Variants in EPB41L5 observed in about 807,000 individuals in gnomAD.
The protein encoded by EPB41L5 is band 4.1-like protein 5.
A neutral mutation model predicts 106.6 loss-of-function variants in EPB41L5; 55 were observed. The ratio of observed to expected loss-of-function variants is 0.52; its 90% CI spans 0.42 to 0.65. The LOEUF (loss-of-function observed/expected upper bound fraction) is 0.65. EPB41L5 is among the 30% of genes least tolerant of loss of function. The pLI is 0.00. For missense variants in EPB41L5, 871 were observed against 882.1 expected (o/e 0.99, Z 0.16); for synonymous variants, 297 against 306.7 (o/e 0.97, Z 0.33).
chr2:120,075,442 G>T, intron 5 of EPB41L5, 34 bp from the exon 6 acceptor site: 2 of 1,491,944 alleles, frequency 1.3e-6, no homozygotes, highest in Non-Finnish European at 1.9e-6. Flanking sequence ...CGATTGTGCT[G>T]TTGGGTTAAA....
chr2:120,042,164 C>A, intron 3 of EPB41L5, 54 bp downstream of exon 3: 2 of 1,336,982 alleles, frequency 1.5e-6, no homozygotes, highest in Non-Finnish European at 2.1e-6. Flanking sequence ...CAGGAAATTT[C>A]AGATGATATA....
intron 22 of EPB41L5, among the ~76,000 whole-genome samples, chr2:120,167,175 G>A (rs1687451223): frequency 6.6e-6 from 1 of 152,172 alleles, no homozygotes; most frequent in South Asian, 2.1e-4. Flanking sequence ...GTGAGGTAGG[G>A]GCAGTCCTAT....
chr2:120,032,929 A>G (rs771012663), intron 2 of EPB41L5, among the ~76,000 whole-genome samples: 1 of 152,238 alleles, frequency 6.6e-6, no homozygotes. Context: ...AACACATAAT[A>G]GGTGTCTGTC....
rs1174086865 is a variant in EPB41L5, at chr2:120,063,340, CAAAAAAAA to C, written c.286-9825_286-9818del. Among the ~76,000 whole-genome samples the C allele has an allele frequency of 8.9e-5, 5 of 56,058 alleles. No homozygotes were observed. The East Asian group carries it at 2.2e-3, about 25-fold the overall frequency. 36.8% of individuals were successfully genotyped at this position (56,058 alleles called of 152,430 possible). A position where few individuals can be genotyped will look rare whatever the true frequency, so the allele number is the denominator to read the frequency against. ...CTGGGCAACAGAGAAGACTTTGTCTCAAAAAAAAAAAAAAAAAAAAGTGAATTAAGTGT... is the reference window on the plus strand; with the variant it reads ...CTGGGCAACAGAGAAGACTTTGTCTCAAAAAAAAAAAAGTGAATTAAGTGT... On this transcript the variant is annotated intron_variant, in intron 3 of 24. Transcript: ENST00000263713.
intron 3 of EPB41L5, among the ~76,000 whole-genome samples, chr2:120,048,878 T>C (rs565487436): frequency 2.6e-5 from 4 of 152,318 alleles, no homozygotes; most frequent in African/African-American, 9.6e-5. Context: ...TTTGTTCTCA[T>C]TGATTTCAAA....
chr2:120,156,408 G>T (rs967299678), intron 20 of EPB41L5, among the ~76,000 whole-genome samples: 4 of 152,200 alleles, frequency 2.6e-5, no homozygotes. Context: ...TCCCCCTGGG[G>T]CTACAGCAGT....
rs1684371793 is a variant in EPB41L5 at position 120,105,112 on chromosome 2, A to T, written c.1337+4298A>T. ...TTTAAAATAAAATTCTGAAGCCAAA[A>T]CCATATGATTTTTAGATTGTATTAC... On this transcript the variant is annotated intron_variant, in intron 16 of 24. Transcript: ENST00000263713. 6.1e-6 allele frequency: 6 copies of T among 978,994 alleles called. No homozygotes were observed. The South Asian group carries it at 2.8e-4, about 46-fold the overall frequency. The allele number at this position is 978,994 out of a possible 1,614,324, so 60.6% of individuals were successfully genotyped here.
intron 20 of EPB41L5, among the ~76,000 whole-genome samples, chr2:120,152,532 C>T (rs1046076043): frequency 2.0e-5 from 3 of 152,152 alleles, no homozygotes; most frequent in African/African-American, 7.2e-5. Context: ...GGGATTATAG[C>T]TGTGAGCCAC....
intron 20 of EPB41L5, among the ~76,000 whole-genome samples, chr2:120,158,554 ACT>A (rs1471638434): frequency 6.6e-6 from 1 of 152,130 alleles, no homozygotes; most frequent in African/African-American, 2.4e-5. Context: ...CGGGTTAAAA[ACT>A]CTCAATAAAA....
chr2:120,163,788 T>C (rs1387356181), intron 21 of EPB41L5, among the ~76,000 whole-genome samples: 1 of 150,946 alleles, frequency 6.6e-6, no homozygotes, highest in Non-Finnish European at 1.5e-5. Flanking sequence ...AGACCCTGTC[T>C]CTATAAAAAA....
intron 16 of EPB41L5, among the ~76,000 whole-genome samples, chr2:120,116,641 C>T (rs906513036): frequency 6.6e-6 from 1 of 152,128 alleles, no homozygotes; most frequent in Non-Finnish European, 1.5e-5. Context: ...ACTTCAGCCT[C>T]CCAAGTAGCT....
At chr2:120,125,847 G>A (rs1423153648) in intron 16 of EPB41L5, among the ~76,000 whole-genome samples, 1 of 152,122 alleles carries the variant, frequency 6.6e-6, no homozygotes, top group African/African-American at 2.4e-5. Context: ...TCAGTAAGAT[G>A]TTAGAAGTCG....
At position 120,019,242 on chromosome 2, in the gene EPB41L5, C is replaced by T. The variant is rs1677759321; in HGVS notation, c.158C>T (p.Thr53Ile). Residue 53 changes from threonine (T) to isoleucine (I), a missense_variant, in exon 2 of 25, where the codon ACT becomes ATT. By Grantham distance (89) the Thr-to-Ile change is moderately conservative. Transcript: ENST00000263713. ...ITCRVSLLDG[T>I]DVSVDLPKKA... ...TGTCGGGTGTCCCTTCTGGATGGTA[C>T]TGATGTTAGTGTGGACTTGCCAGTA... The T allele has an allele frequency of 1.2e-6, 2 of 1,611,786 alleles. No homozygotes were observed. Among genetic ancestry groups the T allele is most frequent in the African/African-American group, 2.7e-5 (2 of 74,766 alleles).
intron 22 of EPB41L5, among the ~76,000 whole-genome samples, chr2:120,165,624 T>C (rs1482343516): frequency 6.6e-6 from 1 of 152,198 alleles, no homozygotes; most frequent in Non-Finnish European, 1.5e-5. Flanking sequence ...CTCATGGATA[T>C]GGAGGGCCAA....
chr2:120,083,158 G>A (rs113928371), intron 10 of EPB41L5, among the ~76,000 whole-genome samples: 1 of 152,268 alleles, frequency 6.6e-6, no homozygotes, highest in African/African-American at 2.4e-5. Flanking sequence ...TTTTGAATGT[G>A]TTTGCCCTTG....
intron 4 of EPB41L5, 104 bp downstream of exon 4, chr2:120,073,324 T>C: frequency 9.8e-7 from 1 of 1,015,580 alleles, no homozygotes; most frequent in Non-Finnish European, 1.5e-6. Context: ...ATGAGTTTTT[T>C]AGCATTTCCA....
rs1411983677 is a variant in EPB41L5 at position 120,176,733 on chromosome 2, C to G, written c.*1826C>G. 3 of 152,202 alleles carry G rather than the reference C, an allele frequency of 2.0e-5. No individual in the cohort carries two copies. The highest frequency in any genetic ancestry group is 7.2e-5 in the African/African-American group (3 of 41,454). 9.4% of individuals were successfully genotyped at this position (152,202 alleles called of 1,614,324 possible). A position where few individuals can be genotyped will look rare whatever the true frequency, so the allele number is the denominator to read the frequency against. On this transcript the variant is annotated 3_prime_UTR_variant, in exon 25 of 25. Transcript: ENST00000263713. The stretch of plus-strand genomic sequence containing the variant: ...GGAATGAGCATCAAATTTTCAGTGT[C>G]TTGGCAACCGTAGATGTCCTACAGG...
At chr2:120,060,091 A>G (rs1680932929) in intron 3 of EPB41L5, among the ~76,000 whole-genome samples, 1 of 152,264 alleles carries the variant, frequency 6.6e-6, no homozygotes, top group Non-Finnish European at 1.5e-5. Context: ...AAACAGCTAA[A>G]GTACAACATG....
At chr2:120,164,005 T>C in intron 21 of EPB41L5, among the ~76,000 whole-genome samples, 1 of 140,068 alleles carries the variant, frequency 7.1e-6, no homozygotes, top group Non-Finnish European at 1.6e-5. Context: ...TTTTTTGAGA[T>C]GGAGTCTTGC....
Sources: allele counts gnomAD v4.1 joint callset (sites outside exome capture counted in the v4.1 genomes callset), GRCh38; gene constraint gnomAD v4.1.1; transcripts MANE v1.5; gene names NCBI Gene and HGNC (gene_info 2026-07-23, HGNC 2026-07-21).